The following ASPM variants were observed in gnomAD, a reference collection of about 807,000 sequenced individuals.
ASPM encodes assembly factor for spindle microtubules, also known as abnormal spindle-like microcephaly-associated protein.
ASPM carries 256 observed loss-of-function variants against 366.4 expected under a neutral mutation model. The observed-to-expected ratio is 0.70, with a 90% CI of 0.63 to 0.77. The LOEUF (loss-of-function observed/expected upper bound fraction) is 0.77. ASPM is among the 30% of genes least tolerant of loss of function. The pLI is 0.00. For missense variants in ASPM, 4,146 were observed against 4,090.4 expected (o/e 1.01, Z -0.37); for synonymous variants, 1,414 against 1,342.9 (o/e 1.05, Z -1.16).
At chr1:197,135,275 ATTTCCT>A (rs1250040863) in intron 4 of ASPM, 33 bp from the exon 5 acceptor site, 12 of 1,608,908 alleles carry the variant, frequency 7.5e-6, no homozygotes, top group African/African-American at 6.7e-5. Context: ...GCATAACAAA[ATTTCCT>A]TTAACTTATT....
In ASPM at chr1:197,142,981, T is replaced by A. The variant is rs142702540; in HGVS notation, c.1271A>T (p.Gln424Leu). 6.2e-7 allele frequency: 1 copy of A among 1,613,852 alleles called. No individual in the cohort carries two copies. The highest frequency in any genetic ancestry group is 8.5e-7 in the Non-Finnish European group (1 of 1,179,878). ...PLSNENSQVP[Q>L]SPEDWRKSEV... ...ACTTTTTCTCCAATCTTCAGGAGAC[T>A]GTGGGACTTGAGAATTTTCATTTGA... Residue 424 changes from glutamine to leucine, a missense_variant, in exon 3 of 28, where the codon CAG becomes CTG. Coordinates refer to ENST00000367409, the MANE Select transcript of ASPM (RefSeq NM_018136.5).
rs12025066 is a variant in ASPM at position 197,143,315 on chromosome 1, T to C, written c.937A>G (p.Ile313Val). 574 of 1,613,938 alleles carry C rather than the reference T, an allele frequency of 3.6e-4. 6 individuals carry two copies. The East Asian group carries it at 0.012, about 33-fold the overall frequency. ...AAAGAATCTGGACTTAGAAAATGTA[T>C]TTGGCTTTGTGTAATGTTCAAAGTT... ...SSTLNITQSQ[I>V]HFLSPDSFVN... is the part of the protein sequence containing the mutation. The change falls in exon 3 of 28, where the codon ATA becomes GTA. Residue 313 changes from isoleucine to valine, a missense_variant. Coordinates refer to ENST00000367409, the MANE Select transcript of ASPM (RefSeq NM_018136.5).
At chr1:197,088,994 T>C (rs1656688006) in intron 25 of ASPM, among the ~76,000 whole-genome samples, 1 of 138,274 alleles carries the variant, frequency 7.2e-6, no homozygotes, top group Non-Finnish European at 1.7e-5. Flanking sequence ...CAAATAATGA[T>C]ACTAAGATAA....
chr1:197,143,757 G>T lies in ASPM; in HGVS notation c.495C>A (p.His165Gln). 1.2e-6 allele frequency: 2 copies of T among 1,612,632 alleles called. No individual in the cohort carries two copies. The highest frequency in any genetic ancestry group is 1.7e-6 in the Non-Finnish European group (2 of 1,179,564). Reference sequence around the variant, plus strand: ...TCTGAATATTTGAAACCCTTCTGTTGTGACTTGTAGAGGCTGAAATTTTCT... The same window carrying T: ...TCTGAATATTTGAAACCCTTCTGTTTTGACTTGTAGAGGCTGAAATTTTCT... ...KKKKISASTS[H>Q]NRRVSNIQNV... Residue 165 changes from histidine (H) to glutamine (Q), a missense_variant, in exon 3 of 28, where the codon CAC (histidine) becomes CAA (glutamine). This residue lies in a region of ASPM where 512 missense variants were observed against 471.7 expected (regional missense o/e 1.09). Transcript: ENST00000367409.
At chr1:197,124,039 T>C in intron 13 of ASPM, 71 bp downstream of exon 13, 1 of 1,336,774 alleles carries the variant, frequency 7.5e-7, no homozygotes, top group Non-Finnish European at 1.0e-6. Context: ...ACTTCAGGCA[T>C]TAAGTTTAAG....
chr1:197,100,482 A>G lies in ASPM; in HGVS notation c.8769T>C (p.Phe2923=), dbSNP rs762887751. The change falls in exon 18 of 28, where the codon TTT becomes TTC. Residue 2923 remains phenylalanine (F), a synonymous_variant. Coordinates refer to ENST00000367409, the MANE Select transcript of ASPM (RefSeq NM_018136.5). ...TTTCCTGAAACTTCCGTTTCTGTATAAATCCTTTACTTCTAGCTTGAATAA... is the reference window on the plus strand; with the variant it reads ...TTTCCTGAAACTTCCGTTTCTGTATGAATCCTTTACTTCTAGCTTGAATAA... ...VIIIQARSKG[F]IQKRKFQEIK... 3.7e-5 allele frequency: 59 copies of G among 1,600,544 alleles called. No individual in the cohort carries two copies. The highest frequency in any genetic ancestry group is 4.8e-5 in the Non-Finnish European group (56 of 1,173,040).
Position 197,117,941 on chromosome 1 carries a change from T to C in ASPM, c.3913A>G (p.Asn1305Asp), listed in dbSNP as rs1413828158. The C allele has an allele frequency of 6.2e-7, 1 of 1,613,504 alleles. No individual in the cohort carries two copies. Among genetic ancestry groups the C allele is most frequent in the African/African-American group, 1.3e-5 (1 of 74,892 alleles). Residue 1305 changes from asparagine to aspartate, a missense_variant, in exon 17 of 28, where the codon AAT becomes GAT. Physicochemically the swap from Asn to Asp is conservative, Grantham distance 23. Around this residue, in one of 3 missense-constraint regions of ASPM, gnomAD observed 3,624 missense variants for 3,591.7 expected, o/e 1.01. Coordinates refer to ENST00000367409, the MANE Select transcript of ASPM (RefSeq NM_018136.5). The stretch of plus-strand genomic sequence containing the variant: ...CTCAATCTTTGTTTTGCTAGAAAAT[T>C]GATTACAGCCAATTGAATAATTCTT... ...AARIIQLAVI[N>D]FLAKQRLRKR...
rs764512132 is a variant in ASPM at position 197,093,180 on chromosome 1, C to T, written c.9166G>A (p.Ala3056Thr). ...CGTATATATTTTTGTATGATCAAAG[C>T]AGCAGATTTCTGCCGAAGAAAGACC... Reference protein sequence around the residue: ...RQVFLRQKSAALIIQKYIRAR... With the variant: ...RQVFLRQKSATLIIQKYIRAR... The change falls in exon 21 of 28, where the codon GCT becomes ACT. Residue 3056 changes from alanine to threonine, a missense_variant. Ala to Thr is a moderately conservative substitution (Grantham distance 58, BLOSUM62 0). Transcript: ENST00000367409. 6.2e-7 allele frequency: 1 copy of T among 1,612,628 alleles called. No individual in the cohort carries two copies.
chr1:197,099,966 T>A (rs2125092945), intron 18 of ASPM, among the ~76,000 whole-genome samples: 1 of 151,768 alleles, frequency 6.6e-6, no homozygotes, highest in Admixed American at 6.6e-5. Flanking sequence ...ACAAAATTGA[T>A]TTGGAAGCCA....
Position 197,141,000 on chromosome 1 carries a change from C to G in ASPM, c.1922-1129G>C, listed in dbSNP as rs774688657. Among the ~76,000 whole-genome samples the G allele has an allele frequency of 3.4e-4, 52 of 152,144 alleles. No individual in the cohort carries two copies. In the Middle Eastern group the frequency reaches 0.014, roughly 40 times the overall value. ...AATACAAATTGCAGTAGCAAATAAC[C>G]TATTGGAATAGCAGTTCACTCTTTC... On this transcript the variant is annotated intron_variant, in intron 3 of 27. Coordinates refer to ENST00000367409, the MANE Select transcript of ASPM (RefSeq NM_018136.5).
chr1:197,110,322 T>C (rs1036658415), intron 17 of ASPM, among the ~76,000 whole-genome samples: 7 of 152,050 alleles, frequency 4.6e-5, no homozygotes, highest in Admixed American at 4.6e-4. Context: ...GTGGAAAGAA[T>C]AGTTTTTTAC....
intron 10 of ASPM, among the ~76,000 whole-genome samples, chr1:197,127,909 T>C (rs1484854094): frequency 6.6e-6 from 1 of 152,146 alleles, no homozygotes; most frequent in African/African-American, 2.4e-5. Context: ...CTCATGCCTG[T>C]AATCCCAGAA....
chr1:197,110,865 G>A (rs1199837140), intron 17 of ASPM, among the ~76,000 whole-genome samples: 1 of 152,012 alleles, frequency 6.6e-6, no homozygotes, highest in African/African-American at 2.4e-5. Context: ...GAAAGGATAT[G>A]CTATTCAATA....
At position 197,091,849 on chromosome 1, in the gene ASPM, C is replaced by G. The variant is rs942917226; in HGVS notation, c.9444+58G>C. ...CATTTGGAAATTGTTTATTACATAT[C>G]AAAAATTTCTAACAGAAAAATTATA... On this transcript the variant is annotated intron_variant, in intron 22 of 27. Transcript: ENST00000367409. The G allele has an allele frequency of 7.7e-6, 12 of 1,558,508 alleles. No homozygotes were observed. The African/African-American group carries it at 1.1e-4, about 14-fold the overall frequency.
chr1:197,089,935 A>C lies in ASPM; in HGVS notation c.9979T>G (p.Ser3327Ala). The C allele has an allele frequency of 6.2e-7, 1 of 1,612,916 alleles. No homozygotes were observed. The highest frequency in any genetic ancestry group is 1.3e-5 in the African/African-American group (1 of 75,020). Residue 3327 changes from serine to alanine, a missense_variant, in exon 25 of 28, where the codon TCT becomes GCT. Ser to Ala is a moderately conservative substitution (Grantham distance 99, BLOSUM62 1). Coordinates refer to ENST00000367409, the MANE Select transcript of ASPM (RefSeq NM_018136.5). Reference sequence around the variant, plus strand: ...TTAATAAAATGAAAAACTACCTTAGATACATTAAGCAAGACTTGCACAGCA... The same window carrying C: ...TTAATAAAATGAAAAACTACCTTAGCTACATTAAGCAAGACTTGCACAGCA... ...RYAVQVLLNV[S>A]KYEKTTSAVY... is the part of the protein sequence containing the mutation.
In ASPM at chr1:197,093,318, C is replaced by T. The variant is rs927644219; in HGVS notation, c.9085-57G>A. On this transcript the variant is annotated intron_variant, in intron 20 of 27. Coordinates refer to ENST00000367409, the MANE Select transcript of ASPM (RefSeq NM_018136.5). Reference sequence around the variant, plus strand: ...GGGTAGAAAGAAAAAGATTTCCAACCCACTAGAAGTTCTTGAATTTCTCAA... The same window carrying T: ...GGGTAGAAAGAAAAAGATTTCCAACTCACTAGAAGTTCTTGAATTTCTCAA... 38 of 1,397,892 alleles carry T rather than the reference C, an allele frequency of 2.7e-5. No individual in the cohort carries two copies. In the Admixed American group the frequency reaches 3.1e-4, roughly 11 times the overall value. 86.6% of individuals were successfully genotyped at this position (1,397,892 alleles called of 1,614,324 possible). A position where few individuals can be genotyped will look rare whatever the true frequency, so the allele number is the denominator to read the frequency against.
rs758960488 is a variant in ASPM, at chr1:197,122,370, T to C, written c.3598+18A>G. 1.2e-6 allele frequency: 2 copies of C among 1,613,526 alleles called. No individual in the cohort carries two copies. Among genetic ancestry groups the C allele is most frequent in the East Asian group, 4.5e-5 (2 of 44,864 alleles). On this transcript the variant is annotated intron_variant, in intron 14 of 27. Transcript: ENST00000367409. ...CAGACATGGCAAAAAATTGGAAAAG[T>C]AACCAAAAGGGACTAACCATGATCA... is the stretch of plus-strand genomic sequence containing the variant.
chr1:197,135,318 T>C, intron 4 of ASPM, 76 bp from the exon 5 acceptor site: 1 of 1,328,478 alleles, frequency 7.5e-7, no homozygotes, highest in Non-Finnish European at 1.1e-6. Flanking sequence ...AAGTCATTTT[T>C]ACTAGCAATA....
intron 17 of ASPM, among the ~76,000 whole-genome samples, chr1:197,114,752 A>AT (rs948305011): frequency 9.9e-5 from 15 of 151,104 alleles, no homozygotes; most frequent in African/African-American, 2.2e-4. Context: ...TATTTTATTT[A>AT]TTTTTTTTAT....
Sources: gnomAD v4.1 joint callset for allele counts (sites outside exome capture counted in the v4.1 genomes callset) on GRCh38, gnomAD v4.1.1 for gene constraint, gnomAD v4.1.1 regional missense constraint, MANE v1.5 for transcripts, NCBI Gene and HGNC (gene_info 2026-07-23, HGNC 2026-07-21) for gene names.